Variants in SLC14A2 observed in about 807,000 individuals in gnomAD.
SLC14A2 encodes the protein urea transporter 2.
A neutral mutation model predicts 104.6 loss-of-function variants in SLC14A2; 91 were observed. The ratio of observed to expected loss-of-function variants is 0.87; its 90% CI spans 0.73 to 1.04. SLC14A2 has a LOEUF of 1.04. Among genes scored for constraint, SLC14A2 ranks in the 50% least tolerant of loss-of-function variants. SLC14A2 has a pLI of 0.00. For synonymous variants in SLC14A2, 476 were observed against 466.4 expected (o/e 1.02, Z -0.27); for missense variants, 1,189 against 1,156.0 (o/e 1.03, Z -0.41).
intron 1 of SLC14A2, among the ~76,000 whole-genome samples, chr18:45,470,977 AT>A (rs1290027517): frequency 3.4e-5 from 5 of 146,736 alleles, no homozygotes; most frequent in Non-Finnish European, 6.1e-5. Flanking sequence ...TCAAATCATA[AT>A]TTCCAGTTTG....
chr18:45,263,415 C>T (rs1358751181), intron 1 of SLC14A2, among the ~76,000 whole-genome samples: 1 of 152,170 alleles, frequency 6.6e-6, no homozygotes, highest in African/African-American at 2.4e-5. Flanking sequence ...TGCCGAGTTG[C>T]TCCACTGCAA....
intron 1 of SLC14A2, among the ~76,000 whole-genome samples, chr18:45,357,460 A>G (rs1039388637): frequency 1.3e-5 from 2 of 152,060 alleles, no homozygotes; most frequent in Non-Finnish European, 2.9e-5. Flanking sequence ...AAAGTGTTTT[A>G]AAAAGTTAGC....
chr18:45,526,211 C>A (rs1010619078), intron 2 of SLC14A2, among the ~76,000 whole-genome samples: 3 of 152,096 alleles, frequency 2.0e-5, no homozygotes, highest in African/African-American at 7.2e-5. Context: ...AACAGTGACC[C>A]CTCATGGTTT....
chr18:45,210,881 T>C (rs548389049), upstream of SLC14A2, among the ~76,000 whole-genome samples: 7 of 152,348 alleles, frequency 4.6e-5, no homozygotes, highest in Non-Finnish European at 8.8e-5. Context: ...TGTTAGGCTT[T>C]ATTAACACTA....
intron 1 of SLC14A2, among the ~76,000 whole-genome samples, chr18:45,457,080 C>G (rs2144628585): frequency 6.6e-6 from 1 of 152,226 alleles, no homozygotes; most frequent in East Asian, 1.9e-4. Flanking sequence ...AAAAAAAAAT[C>G]AATTCCACTT....
chr18:45,393,584 T>C (rs1032012103), intron 1 of SLC14A2, among the ~76,000 whole-genome samples: 3 of 152,194 alleles, frequency 2.0e-5, no homozygotes, highest in African/African-American at 7.2e-5. Flanking sequence ...GAAAGATCAC[T>C]ATCCCAAGAA....
At chr18:45,658,438 G>A (rs918370558) in intron 10 of SLC14A2, among the ~76,000 whole-genome samples, 15 of 152,006 alleles carry the variant, frequency 9.9e-5, no homozygotes, top group Non-Finnish European at 1.5e-4. Flanking sequence ...AAAATTAGCC[G>A]GGTGTAGTGT....
intron 1 of SLC14A2, among the ~76,000 whole-genome samples, chr18:45,222,167 G>C (rs890427034): frequency 2.6e-5 from 4 of 152,040 alleles, no homozygotes; most frequent in Non-Finnish European, 5.9e-5. Context: ...CCTTTTCTTT[G>C]GTTCTCAGTT....
the SLC14A2 span, among the ~76,000 whole-genome samples, chr18:45,170,267 G>A: frequency 0.01 from 1,570 of 152,226 alleles, 38 homozygotes; most frequent in African/African-American, 0.036. Context: ...GAATGGGTAG[G>A]ATTTGGAGAG....
At chr18:45,618,696 A>AAAAAAAAAAG (rs1555714274) in intron 1 of SLC14A2, among the ~76,000 whole-genome samples, 1 of 144,384 alleles carries the variant, frequency 6.9e-6, no homozygotes, top group African/African-American at 2.8e-5. Context: ...AAAAAAAAAA[A>AAAAAAAAAAG]AAGAAGTAGT....
At chr18:45,187,722 T>C in the SLC14A2 span, among the ~76,000 whole-genome samples, 1 of 152,084 alleles carries the variant, frequency 6.6e-6, no homozygotes. Context: ...TTCTTCTCTA[T>C]GTTCTGCTAA....
chr18:45,199,372 T>C, the SLC14A2 span, among the ~76,000 whole-genome samples: 5 of 152,200 alleles, frequency 3.3e-5, no homozygotes, highest in Non-Finnish European at 7.4e-5. Context: ...CAGACAGATA[T>C]TGTTGCTTCT....
intron 1 of SLC14A2, among the ~76,000 whole-genome samples, chr18:45,309,987 T>G (rs945892397): frequency 6.6e-6 from 1 of 152,110 alleles, no homozygotes; most frequent in African/African-American, 2.4e-5. Flanking sequence ...TCCTGATTTT[T>G]TTTTTCACTC....
At chr18:45,295,845 T>C (rs1018865714) in intron 1 of SLC14A2, among the ~76,000 whole-genome samples, 1 of 152,172 alleles carries the variant, frequency 6.6e-6, no homozygotes, top group Admixed American at 6.5e-5. Flanking sequence ...ATCCTGACTT[T>C]AGCTATACGA....
chr18:45,587,967 C>T (rs1415828974), intron 2 of SLC14A2, among the ~76,000 whole-genome samples: 2 of 151,976 alleles, frequency 1.3e-5, no homozygotes, highest in Non-Finnish European at 2.9e-5. Flanking sequence ...AAGATTCTGC[C>T]TAGTGGTTTG....
chr18:45,295,582 C>T (rs952642950), intron 1 of SLC14A2, among the ~76,000 whole-genome samples: 13 of 152,220 alleles, frequency 8.5e-5, no homozygotes, highest in Admixed American at 2.6e-4. Flanking sequence ...CAGTCACTGC[C>T]GGATAAGAAT....
intron 5 of SLC14A2, chr18:45,634,907 C>T (rs1391427613): frequency 6.7e-6 from 3 of 449,502 alleles, no homozygotes; most frequent in East Asian, 6.9e-5. Context: ...CAAAACCCCA[C>T]AGAGATGACA....
chr18:45,465,906 A>G (rs1278284572), intron 1 of SLC14A2, among the ~76,000 whole-genome samples: 1 of 148,026 alleles, frequency 6.8e-6, no homozygotes, highest in Non-Finnish European at 1.5e-5. Flanking sequence ...TGCTGGACAG[A>G]AAAAAAAAAA....
intron 2 of SLC14A2, among the ~76,000 whole-genome samples, chr18:45,530,856 C>G (rs534297568): frequency 4.5e-4 from 68 of 151,932 alleles, no homozygotes; most frequent in African/African-American, 1.5e-3. Flanking sequence ...CCACTCCCCC[C>G]ACCCCACAAC....
Sources: allele counts gnomAD v4.1 joint callset (sites outside exome capture counted in the v4.1 genomes callset), GRCh38; gene constraint gnomAD v4.1.1; transcripts MANE v1.5; gene names NCBI Gene and HGNC (gene_info 2026-07-23, HGNC 2026-07-21).